Variants in ALCAM observed in about 807,000 individuals in gnomAD.
ALCAM encodes the protein CD166 antigen.
In ALCAM, 30 loss-of-function variants were observed where a neutral mutation model predicts 70.9. The observed-to-expected ratio is 0.42, with a 90% CI of 0.32 to 0.57. ALCAM has a LOEUF of 0.57. ALCAM is among the 20% of genes least tolerant of loss of function. ALCAM has a pLI of 0.11. For missense variants in ALCAM, 591 were observed against 695.1 expected (o/e 0.85, Z 1.68); for synonymous variants, 249 against 242.5 (o/e 1.03, Z -0.25).
intron 5 of ALCAM, 151 bp from the exon 6 acceptor site, chr3:105,534,512 C>T (rs991947449): frequency 7.4e-6 from 5 of 672,778 alleles, no homozygotes; most frequent in Non-Finnish European, 1.0e-5. Context: ...GGTTTTGAAA[C>T]GACATCTAAC....
At chr3:105,487,438 A>T (rs1938461231) in intron 1 of ALCAM, among the ~76,000 whole-genome samples, 1 of 152,182 alleles carries the variant, frequency 6.6e-6, no homozygotes, top group African/African-American at 2.4e-5. Context: ...AGCCAACTCC[A>T]TGTTTCCTTC....
rs560772527 is a variant in ALCAM, at chr3:105,550,331, A to C, written c.1507+72A>C. Reference sequence around the variant, plus strand: ...TATTCTTCATTAGTTTAAAATCTTCAATTCCATCTTCCTGTACTGCATTAT... The same window carrying C: ...TATTCTTCATTAGTTTAAAATCTTCCATTCCATCTTCCTGTACTGCATTAT... On this transcript the variant is annotated intron_variant, in intron 12 of 15. Coordinates refer to ENST00000306107, the MANE Select transcript of ALCAM (RefSeq NM_001627.4). 7 of 1,428,054 alleles carry C rather than the reference A, an allele frequency of 4.9e-6. No individual in the cohort carries two copies. The African/African-American group carries it at 8.7e-5, about 18-fold the overall frequency. 88.5% of individuals were successfully genotyped at this position (1,428,054 alleles called of 1,614,324 possible).
rs564553157 is a variant in ALCAM, at chr3:105,507,324, A to T, written c.74-12743A>T. On this transcript the variant is annotated intron_variant, in intron 1 of 15. Coordinates refer to ENST00000306107, the MANE Select transcript of ALCAM (RefSeq NM_001627.4). The stretch of plus-strand genomic sequence containing the variant: ...ACATTAGATTTTCCTGTTGTGTTGT[A>T]CATTTTATGGGTTTCGACAAACACT... Among the ~76,000 whole-genome samples, 37 of 152,154 alleles carry T rather than the reference A, an allele frequency of 2.4e-4. 1 individual carries two copies. The South Asian group carries it at 3.5e-3, about 15-fold the overall frequency.
chr3:105,547,704 C>G (rs985850028), intron 11 of ALCAM, among the ~76,000 whole-genome samples, 181 bp downstream of exon 11: 4 of 151,300 alleles, frequency 2.6e-5, no homozygotes, highest in Non-Finnish European at 5.9e-5. Flanking sequence ...CTTAATTTTC[C>G]TAGAGGAAGA....
At chr3:105,566,678 T>G (rs903912806) in intron 14 of ALCAM, among the ~76,000 whole-genome samples, 9 of 152,166 alleles carry the variant, frequency 5.9e-5, no homozygotes, top group African/African-American at 1.7e-4. Context: ...AAATCTAAGA[T>G]TTTTGAAGCA....
At chr3:105,476,013 C>T (rs1487774300) in intron 1 of ALCAM, among the ~76,000 whole-genome samples, 5 of 152,064 alleles carry the variant, frequency 3.3e-5, no homozygotes, top group African/African-American at 1.2e-4. Context: ...GGGTCTAATT[C>T]TATTTCAAGT....
intron 1 of ALCAM, among the ~76,000 whole-genome samples, chr3:105,427,591 C>T (rs1936821986): frequency 6.6e-6 from 1 of 151,882 alleles, no homozygotes; most frequent in South Asian, 2.1e-4. Context: ...TACCCACCCC[C>T]TCCCCTCATC....
chr3:105,456,922 T>A (rs1559798065), intron 1 of ALCAM, among the ~76,000 whole-genome samples: 1 of 152,210 alleles, frequency 6.6e-6, no homozygotes, highest in African/African-American at 2.4e-5. Flanking sequence ...CAGAAGATTT[T>A]AAATTAATGT....
At chr3:105,398,503 A>G (rs1157110535) in intron 1 of ALCAM, among the ~76,000 whole-genome samples, 2 of 152,068 alleles carry the variant, frequency 1.3e-5, no homozygotes, top group Non-Finnish European at 2.9e-5. Flanking sequence ...ACTTTATTTT[A>G]ACATAAAGCT....
intron 1 of ALCAM, among the ~76,000 whole-genome samples, chr3:105,503,397 T>C (rs1323745434): frequency 1.3e-5 from 2 of 152,242 alleles, no homozygotes; most frequent in African/African-American, 2.4e-5. Context: ...ATGTGAACTT[T>C]GTAGTTGAAA....
chr3:105,499,316 AT>A (rs1427280033), intron 1 of ALCAM, among the ~76,000 whole-genome samples: 2 of 152,234 alleles, frequency 1.3e-5, no homozygotes, highest in Non-Finnish European at 2.9e-5. Flanking sequence ...ACTTAAGTGA[AT>A]TACCATTTAA....
chr3:105,490,601 G>T (rs1208204944), intron 1 of ALCAM, among the ~76,000 whole-genome samples: 1 of 152,126 alleles, frequency 6.6e-6, no homozygotes, highest in Admixed American at 6.6e-5. Context: ...AAGAAAGCAT[G>T]TTATAGATTA....
chr3:105,463,922 A>G (rs1369787071), intron 1 of ALCAM, among the ~76,000 whole-genome samples: 3 of 151,500 alleles, frequency 2.0e-5, no homozygotes, highest in Non-Finnish European at 3.0e-5. Flanking sequence ...TAAAACTTGC[A>G]TCTTTCCTAA....
chr3:105,394,333 G>T (rs181685231), intron 1 of ALCAM, among the ~76,000 whole-genome samples: 1 of 151,964 alleles, frequency 6.6e-6, no homozygotes, highest in East Asian at 1.9e-4. Context: ...AGGGACATGC[G>T]AGGGATGAGG....
intron 14 of ALCAM, among the ~76,000 whole-genome samples, chr3:105,559,916 A>C (rs535432433): frequency 6.6e-6 from 1 of 152,318 alleles, no homozygotes; most frequent in East Asian, 1.9e-4. Context: ...TATTGCTGAT[A>C]GTGTTTAATC....
intron 1 of ALCAM, among the ~76,000 whole-genome samples, chr3:105,514,975 A>G (rs1012174402): frequency 6.6e-6 from 1 of 151,956 alleles, no homozygotes; most frequent in Non-Finnish European, 1.5e-5. Context: ...TCACAAAATG[A>G]CATTAGATTT....
chr3:105,461,606 AG>A (rs1386101798), intron 1 of ALCAM, among the ~76,000 whole-genome samples: 5 of 151,802 alleles, frequency 3.3e-5, no homozygotes, highest in African/African-American at 1.2e-4. Flanking sequence ...CTGAAACTTG[AG>A]GAATGATTGG....
At chr3:105,527,121 C>T (rs1411071212) in intron 3 of ALCAM, among the ~76,000 whole-genome samples, 2 of 152,172 alleles carry the variant, frequency 1.3e-5, no homozygotes, top group Non-Finnish European at 2.9e-5. Context: ...TTAGTCACCA[C>T]TAATCAGCTT....
Position 105,547,526 on chromosome 3 carries a change from A to G in ALCAM, c.1374+3A>G, listed in dbSNP as rs1940279582. 2 of 1,606,038 alleles carry G rather than the reference A, an allele frequency of 1.2e-6. No homozygotes were observed. Among genetic ancestry groups the G allele is most frequent in the Non-Finnish European group, 8.5e-7 (1 of 1,176,164 alleles). On this transcript the variant is annotated splice_donor_region_variant and intron_variant, in intron 11 of 15. Transcript: ENST00000306107. ...GCAGTGGAAGCGTCATAAACCAAGCAAGTATTTGTCTTCTTGTTATATGCT... is the reference window on the plus strand; with the variant it reads ...GCAGTGGAAGCGTCATAAACCAAGCGAGTATTTGTCTTCTTGTTATATGCT...
Sources: gnomAD v4.1 joint callset for allele counts (sites outside exome capture counted in the v4.1 genomes callset) on GRCh38, gnomAD v4.1.1 for gene constraint, MANE v1.5 for transcripts, NCBI Gene and HGNC (gene_info 2026-07-23, HGNC 2026-07-21) for gene names.